PDZD2: variants seen among roughly 807,000 people sequenced by gnomAD.
PDZD2 encodes PDZ domain containing 2.
PDZD2 carries 90 observed loss-of-function variants against 220.7 expected under a neutral mutation model. The ratio of observed to expected loss-of-function variants is 0.41; its 90% confidence interval spans 0.34 to 0.49. PDZD2 has a LOEUF of 0.49. PDZD2 is among the 20% of genes least tolerant of loss of function. The pLI is 0.28. For missense variants in PDZD2, 3,174 were observed against 3,608.5 expected (o/e 0.88, Z 3.08); for synonymous variants, 1,375 against 1,450.5 (o/e 0.95, Z 1.18).
intron 5 of PDZD2, among the ~76,000 whole-genome samples, chr5:32,008,879 G>C (rs1218461155): frequency 6.6e-6 from 1 of 152,190 alleles, no homozygotes; most frequent in African/African-American, 2.4e-5. Flanking sequence ...TGCCCGCGTG[G>C]GCCTCAGTCG....
At chr5:31,884,506 G>A (rs2150340267) in intron 2 of PDZD2, among the ~76,000 whole-genome samples, 1 of 152,284 alleles carries the variant, frequency 6.6e-6, no homozygotes, top group Non-Finnish European at 1.5e-5. Flanking sequence ...AGCCAGGGCA[G>A]GTCTGCTGTT....
intron 6 of PDZD2, among the ~76,000 whole-genome samples, chr5:32,032,882 CACT>C (rs1430070930): frequency 6.6e-6 from 1 of 152,200 alleles, no homozygotes. Flanking sequence ...CACTCTGCCC[CACT>C]ACCTCTCTAC....
At chr5:31,984,942 A>G (rs779840754) in intron 3 of PDZD2, among the ~76,000 whole-genome samples, 10 of 152,216 alleles carry the variant, frequency 6.6e-5, no homozygotes, top group Non-Finnish European at 1.0e-4. Context: ...AAGAATTACA[A>G]TAGCCCCTCT....
At chr5:31,836,060 C>A (rs1756924760) in intron 2 of PDZD2, among the ~76,000 whole-genome samples, 1 of 152,128 alleles carries the variant, frequency 6.6e-6, no homozygotes, top group Admixed American at 6.6e-5. Context: ...CTTTTTAAAT[C>A]TGCTATGTTT....
chr5:31,911,473 CCT>C (rs1581058986), intron 2 of PDZD2, among the ~76,000 whole-genome samples: 1 of 152,286 alleles, frequency 6.6e-6, no homozygotes, highest in East Asian at 1.9e-4. Flanking sequence ...TTCAGAAGCC[CCT>C]GACTTGGAGC....
chr5:31,901,767 A>G (rs1290657990), intron 2 of PDZD2, among the ~76,000 whole-genome samples: 6 of 152,114 alleles, frequency 3.9e-5, no homozygotes, highest in African/African-American at 7.2e-5. Flanking sequence ...GTCACTCCTC[A>G]CTTCCCCTAC....
chr5:32,097,113 A>AC (rs1253012942), intron 21 of PDZD2, among the ~76,000 whole-genome samples, 166 bp from the exon 22 acceptor site: 3 of 152,218 alleles, frequency 2.0e-5, no homozygotes, highest in Non-Finnish European at 4.4e-5. Context: ...GGCGTGAGCC[A>AC]CCATGCCTGG....
At chr5:31,965,764 GCA>G (rs1748688174) in intron 2 of PDZD2, among the ~76,000 whole-genome samples, 2 of 151,962 alleles carry the variant, frequency 1.3e-5, no homozygotes, top group African/African-American at 2.4e-5. Flanking sequence ...AGGCATGGTG[GCA>G]CACACACCTA....
At position 32,096,940 on chromosome 5, in the gene PDZD2, A is replaced by G. The variant is rs146836792; in HGVS notation, c.7846-339A>G. On this transcript the variant is annotated intron_variant, in intron 21 of 24. Transcript: ENST00000438447. ...AGCCGTGACCTTCCGGGCTTAGGTA[A>G]TCCTCCCACCTCAGCCTCTTGAGTA... 3.2e-3 allele frequency among the ~76,000 whole-genome samples: 466 copies of G among 146,708 alleles called. 3 individuals carry two copies. The highest frequency in any genetic ancestry group is 0.011 in the African/African-American group (451 of 39,918).
intron 1 of PDZD2, among the ~76,000 whole-genome samples, chr5:31,739,523 A>G (rs1022079188): frequency 6.6e-6 from 1 of 152,224 alleles, no homozygotes; most frequent in East Asian, 1.9e-4. Context: ...AGAAGGGAAG[A>G]TATGAGGAGA....
intron 1 of PDZD2, among the ~76,000 whole-genome samples, chr5:31,736,842 C>A (rs1396638896): frequency 6.6e-6 from 1 of 152,124 alleles, no homozygotes; most frequent in African/African-American, 2.4e-5. Flanking sequence ...AGCTCTCACT[C>A]GGAGTTCACA....
intron 2 of PDZD2, among the ~76,000 whole-genome samples, chr5:31,982,239 G>A (rs549584629): frequency 7.2e-5 from 11 of 152,370 alleles, no homozygotes; most frequent in Admixed American, 4.6e-4. Context: ...TTACCAAGGC[G>A]TGAGCCTGAT....
At chr5:31,989,424 T>TTTTTTTTTTTTTTTTTTCTAATTTATTTA (rs1429240437) in intron 3 of PDZD2, among the ~76,000 whole-genome samples, 1 of 136,690 alleles carries the variant, frequency 7.3e-6, no homozygotes, top group South Asian at 2.6e-4. Context: ...TTCTTTTCTT[T>TTTTTTTTTTTTTTTTTTCTAATTTATTTA]TTTTTTTTTT....
At chr5:31,832,850 A>G (rs7715166) in intron 2 of PDZD2, among the ~76,000 whole-genome samples, 56,072 of 152,058 alleles carry the variant, frequency 0.37, 10,503 homozygotes, top group African/African-American at 0.41. Context: ...TATTTTATGT[A>G]TATTTTACCA....
chr5:31,690,519 G>A (rs1004161583), intron 1 of PDZD2, among the ~76,000 whole-genome samples: 1 of 152,200 alleles, frequency 6.6e-6, no homozygotes, highest in Non-Finnish European at 1.5e-5. Flanking sequence ...AGCTTTAGCA[G>A]AGACACGCTG....
intron 2 of PDZD2, among the ~76,000 whole-genome samples, chr5:31,869,558 T>A (rs561426949): frequency 2.5e-4 from 38 of 151,882 alleles, no homozygotes; most frequent in African/African-American, 8.7e-4. Flanking sequence ...AGCGAGACTC[T>A]GTCTCAAAAG....
At chr5:31,662,054 T>C (rs964936448) in intron 1 of PDZD2, among the ~76,000 whole-genome samples, 2 of 152,174 alleles carry the variant, frequency 1.3e-5, no homozygotes, top group Non-Finnish European at 2.9e-5. Flanking sequence ...CTCACCTCTA[T>C]AATCCTAGCA....
intron 1 of PDZD2, among the ~76,000 whole-genome samples, chr5:31,791,275 T>C (rs1020804803): frequency 1.3e-5 from 2 of 152,032 alleles, no homozygotes; most frequent in Non-Finnish European, 2.9e-5. Flanking sequence ...GTTGGGGAGC[T>C]GTAGACTTTG....
chr5:31,656,914 G>A (rs1465042469), intron 1 of PDZD2, among the ~76,000 whole-genome samples: 1 of 152,090 alleles, frequency 6.6e-6, no homozygotes, highest in Non-Finnish European at 1.5e-5. Flanking sequence ...TTATCAAGTT[G>A]ACATTCTTCA....
Sources: allele counts gnomAD v4.1 joint callset (sites outside exome capture counted in the v4.1 genomes callset), GRCh38; gene constraint gnomAD v4.1.1; transcripts MANE v1.5; gene names NCBI Gene and HGNC (gene_info 2026-07-23, HGNC 2026-07-21).